TMEM101: variants seen among roughly 807,000 people sequenced by gnomAD.
The protein encoded by TMEM101 is putative NF-kappa-B-activating protein 130.
In TMEM101, 14 loss-of-function variants were observed where a neutral mutation model predicts 26.0. The ratio of observed to expected loss-of-function variants is 0.54; its 90% CI spans 0.36 to 0.84. TMEM101 has a LOEUF of 0.84. TMEM101 is among the 40% of genes least tolerant of loss of function. The pLI is 0.01. For synonymous variants in TMEM101, 152 were observed against 145.1 expected (o/e 1.05, Z -0.34); for missense variants, 292 against 345.1 (o/e 0.85, Z 1.22).
intron 2 of TMEM101, 82 bp from the exon 3 acceptor site, chr17:44,013,237 C>A: frequency 1.5e-6 from 2 of 1,293,590 alleles, no homozygotes; most frequent in South Asian, 2.1e-5. Context: ...AACCACCCCT[C>A]TCTACACATC....
At chr17:44,014,785 C>T (rs1306296070) in intron 1 of TMEM101, 31 bp downstream of exon 1, 1 of 1,534,424 alleles carries the variant, frequency 6.5e-7, no homozygotes, top group South Asian at 1.2e-5. Context: ...CCGCCCCCTG[C>T]CGCGTTTAGC....
rs373505609 is a variant in TMEM101 at position 44,013,051 on chromosome 17, C to A, written c.423G>T (p.Gln141His). The change falls in exon 3 of 4, where the codon CAG becomes CAT. Residue 141 changes from glutamine (Q) to histidine (H), a missense_variant. Physicochemically the swap from Gln to His is conservative, Grantham distance 24. This residue lies in a region of TMEM101 where 149 missense variants were observed against 211.9 expected (regional missense o/e 0.70). Transcript: ENST00000206380. ...YRRKPRSRSLQSTGQVFLGIY... is the reference protein window; with the variant it reads ...YRRKPRSRSLHSTGQVFLGIY... ...TACCCAGGAACACCTGGCCGGTGGACTGCAGGGAGCGGCTGCGAGGTTTCC... is the reference window on the plus strand; with the variant it reads ...TACCCAGGAACACCTGGCCGGTGGAATGCAGGGAGCGGCTGCGAGGTTTCC... 2.5e-6 allele frequency: 4 copies of A among 1,609,256 alleles called. No individual in the cohort carries two copies. The African/African-American group carries it at 5.3e-5, about 21-fold the overall frequency.
chr17:44,016,144 CATAT>C (rs199954191), upstream of TMEM101, among the ~76,000 whole-genome samples: 2 of 147,002 alleles, frequency 1.4e-5, no homozygotes, highest in Non-Finnish European at 3.0e-5. Context: ...CACACACACA[CATAT>C]ATATATATCT....
Position 44,014,431 on chromosome 17 carries a change from C to T in TMEM101, c.244G>A (p.Ala82Thr). Residue 82 changes from alanine to threonine, a missense_variant, in exon 2 of 4, where the codon GCC (alanine) becomes ACC (threonine). Physicochemically the swap from Ala to Thr is moderately conservative, Grantham distance 58 (BLOSUM62 0). Around this residue, in one of 2 missense-constraint regions of TMEM101, gnomAD observed 143 missense variants for 133.2 expected, o/e 1.07. Coordinates refer to ENST00000206380, the MANE Select transcript of TMEM101 (RefSeq NM_032376.4). ...GTGCTAATGGCCAATTGGAGTGCGG[C>T]CCCCAGCGCGAACCAGCGCCGCTTC... is the stretch of plus-strand genomic sequence containing the variant. ...GVKRRWFALG[A>T]ALQLAISTYA... 1.9e-6 allele frequency: 3 copies of T among 1,557,294 alleles called. No homozygotes were observed. The highest frequency in any genetic ancestry group is 1.7e-6 in the Non-Finnish European group (2 of 1,150,052).
Position 44,013,225 on chromosome 17 carries a change from A to G in TMEM101, c.319-70T>C, listed in dbSNP as rs2049185516. The G allele has an allele frequency of 5.0e-6, 7 of 1,401,642 alleles. No individual in the cohort carries two copies. The South Asian group carries it at 8.2e-5, about 16-fold the overall frequency. The allele number at this position is 1,401,642 out of a possible 1,614,324, so 86.8% of individuals were successfully genotyped here. ...CATCTCTCCTGGCTTCCCAGAGTGT[A>G]GAACCACCCCTCTCTACACATCCCA... is the stretch of plus-strand genomic sequence containing the variant. On this transcript the variant is annotated intron_variant, in intron 2 of 3. Transcript: ENST00000206380.
chr17:44,013,641 G>A (rs937500755), intron 2 of TMEM101, among the ~76,000 whole-genome samples: 7 of 152,070 alleles, frequency 4.6e-5, no homozygotes, highest in African/African-American at 7.2e-5. Context: ...CCTGGGCGAC[G>A]GAGAGAGACT....
chr17:44,016,179 TTTTTTA>T (rs2049229116), upstream of TMEM101, among the ~76,000 whole-genome samples: 1 of 152,046 alleles, frequency 6.6e-6, no homozygotes, highest in African/African-American at 2.4e-5. Flanking sequence ...TATATGCTTT[TTTTTTA>T]TTTTTGAGAC....
In TMEM101 at chr17:44,012,251, T is replaced by A; in HGVS notation, c.466-15A>T. 1 of 1,601,394 alleles carries A rather than the reference T, an allele frequency of 6.2e-7. No individual in the cohort carries two copies. Among genetic ancestry groups the A allele is most frequent in the Non-Finnish European group, 8.5e-7 (1 of 1,173,292 alleles). The stretch of plus-strand genomic sequence containing the variant: ...AGTGAGTAGGCCTGGAGACATAACA[T>A]CCTCTAAGACTCTCCAACAGGCTCA... On this transcript the variant is annotated splice_polypyrimidine_tract_variant and intron_variant, in intron 3 of 3. Transcript: ENST00000206380.
At chr17:44,015,073 C>A (rs189226955), upstream of TMEM101, 5 of 1,392,060 alleles carry the variant, frequency 3.6e-6, no homozygotes, top group East Asian at 9.7e-5. Context: ...CGGTGTCATT[C>A]TCTAGTTCCG....
intron 1 of TMEM101, among the ~76,000 whole-genome samples, chr17:44,021,803 A>C (rs1015731494): frequency 6.6e-6 from 1 of 152,244 alleles, no homozygotes; most frequent in Non-Finnish European, 1.5e-5. Context: ...TTTCCAGCAA[A>C]GCCCAACAGC....
At chr17:44,013,178 C>A in intron 2 of TMEM101, 23 bp from the exon 3 acceptor site, 2 of 1,509,842 alleles carry the variant, frequency 1.3e-6, no homozygotes, top group Non-Finnish European at 1.8e-6. Context: ...AAGGGGACCC[C>A]AGTCAAGAAC....
At position 44,011,866 on chromosome 17, in the gene TMEM101, G is replaced by C. The variant is rs2049161414; in HGVS notation, c.*62C>G. 1 of 1,470,066 alleles carries C rather than the reference G, an allele frequency of 6.8e-7. No individual in the cohort carries two copies. The highest frequency in any genetic ancestry group is 1.3e-5 in the South Asian group (1 of 77,398). 91.1% of individuals were successfully genotyped at this position (1,470,066 alleles called of 1,614,324 possible). Reference sequence around the variant, plus strand: ...AAATAAACAGCAGCTGGGCCAGCAAGGAGGAAGGCAGGGTGACCCTCAGTG... The same window carrying C: ...AAATAAACAGCAGCTGGGCCAGCAACGAGGAAGGCAGGGTGACCCTCAGTG... On this transcript the variant is annotated 3_prime_UTR_variant, in exon 4 of 4. Transcript: ENST00000206380.
At position 44,013,022 on chromosome 17, in the gene TMEM101, T is replaced by C. The variant is rs777289001; in HGVS notation, c.452A>G (p.Tyr151Cys). 1.1e-5 allele frequency: 18 copies of C among 1,603,436 alleles called. No individual in the cohort carries two copies. The highest frequency in any genetic ancestry group is 1.3e-5 in the Non-Finnish European group (15 of 1,172,222). ...QSTGQVFLGI[Y>C]LICVAYSLQH... ...CCCCCAACATACCACACAGATGAGGTAGATACCCAGGAACACCTGGCCGGT... is the reference window on the plus strand; with the variant it reads ...CCCCCAACATACCACACAGATGAGGCAGATACCCAGGAACACCTGGCCGGT... Residue 151 changes from tyrosine (Y) to cysteine (C), a missense_variant, in exon 3 of 4, where the codon TAC becomes TGC. Physicochemically the swap from Tyr to Cys is radical, Grantham distance 194 (BLOSUM62 -2). Transcript: ENST00000206380.
intron 1 of TMEM101, chr17:44,022,984 G>T: frequency 4.6e-6 from 1 of 217,152 alleles, no homozygotes; most frequent in South Asian, 4.9e-5. Context: ...GATACAATAA[G>T]CAAATTGCAA....
rs750899680 is a variant in TMEM101, at chr17:44,014,855, C to G, written c.98G>C (p.Ser33Thr). The change falls in exon 1 of 4, where the codon AGC becomes ACC. Residue 33 changes from serine to threonine, a missense_variant. Physicochemically the swap from Ser to Thr is moderately conservative, Grantham distance 58. Coordinates refer to ENST00000206380, the MANE Select transcript of TMEM101 (RefSeq NM_032376.4). Reference protein sequence around the residue: ...LTRCPFWGCFSQLMLYAERAE... With the variant: ...LTRCPFWGCFTQLMLYAERAE... ...CCTCTCAGCGTACAGCATGAGCTGG[C>G]TGAAGCAGCCCCAAAAGGGGCAGCG... 1 of 1,613,392 alleles carries G rather than the reference C, an allele frequency of 6.2e-7. No individual in the cohort carries two copies. Among genetic ancestry groups the G allele is most frequent in the South Asian group, 1.1e-5 (1 of 91,012 alleles).
At position 44,011,647 on chromosome 17, in the gene TMEM101, C is replaced by G; in HGVS notation, c.*281G>C. 6.5e-6 allele frequency: 3 copies of G among 461,840 alleles called. No individual in the cohort carries two copies. The South Asian group carries it at 8.3e-5, about 13-fold the overall frequency. The allele number at this position is 461,840 out of a possible 1,614,324, so 28.6% of individuals were successfully genotyped here. On this transcript the variant is annotated 3_prime_UTR_variant, in exon 4 of 4. Coordinates refer to ENST00000206380, the MANE Select transcript of TMEM101 (RefSeq NM_032376.4). Reference sequence around the variant, plus strand: ...CCGCATCCCAGCCCTGCCATACTCCCTTCTCAGGGACAGGAGACTCAGTGG... The same window carrying G: ...CCGCATCCCAGCCCTGCCATACTCCGTTCTCAGGGACAGGAGACTCAGTGG...
chr17:44,016,916 C>T (rs1268469547), upstream of TMEM101, among the ~76,000 whole-genome samples: 1 of 151,792 alleles, frequency 6.6e-6, no homozygotes. Context: ...GGGTGGATCA[C>T]GAGGTCAGGA....
intron 1 of TMEM101, 88 bp from the exon 2 acceptor site, chr17:44,014,625 C>T: frequency 1.3e-6 from 2 of 1,529,158 alleles, no homozygotes; most frequent in African/African-American, 1.4e-5. Context: ...ACAGGCTCCA[C>T]TGCTCCCCCA....
intron 2 of TMEM101, among the ~76,000 whole-genome samples, chr17:44,020,900 T>C (rs539889192): frequency 2.6e-5 from 4 of 152,334 alleles, no homozygotes; most frequent in East Asian, 1.9e-4. Context: ...ACCCAGTTGA[T>C]GAACTCATTC....
Sources: allele counts gnomAD v4.1 joint callset (sites outside exome capture counted in the v4.1 genomes callset), GRCh38; gene constraint gnomAD v4.1.1; regional missense constraint gnomAD v4.1.1; transcripts MANE v1.5; gene names NCBI Gene and HGNC (gene_info 2026-07-23, HGNC 2026-07-21).